The following CNST variants were observed in gnomAD, a reference collection of about 807,000 sequenced individuals.
The protein encoded by CNST is consortin, connexin sorting protein.
CNST carries 39 observed loss-of-function variants against 72.4 expected under a neutral mutation model. The ratio of observed to expected loss-of-function variants is 0.54; its 90% CI spans 0.42 to 0.70. The LOEUF is 0.70. Ranked by LOEUF, CNST falls within the 30% of genes least tolerant of loss-of-function variation. CNST has a pLI of 0.00. For missense variants in CNST, 871 were observed against 868.5 expected (o/e 1.00, Z -0.04); for synonymous variants, 332 against 320.1 (o/e 1.04, Z -0.40).
chr1:246,569,572 TTTTTGTTTTG>T (rs1481123251), intron 1 of CNST, among the ~76,000 whole-genome samples: 1 of 152,104 alleles, frequency 6.6e-6, no homozygotes, highest in Non-Finnish European at 1.5e-5. Context: ...CCTTTTAGTG[TTTTTGTTTTG>T]TTTTGTTTGT....
At chr1:246,637,453 C>T (rs747030369) in intron 6 of CNST, among the ~76,000 whole-genome samples, 3 of 152,182 alleles carry the variant, frequency 2.0e-5, no homozygotes, top group Non-Finnish European at 4.4e-5. Flanking sequence ...AAGTAATTCC[C>T]GAGTGGCTCA....
intron 6 of CNST, among the ~76,000 whole-genome samples, chr1:246,635,447 G>A (rs1238122805): frequency 1.3e-5 from 2 of 151,936 alleles, no homozygotes; most frequent in Non-Finnish European, 2.9e-5. Flanking sequence ...CTCCTAGAAG[G>A]TTTGTTGGGT....
At chr1:246,585,950 C>T (rs1661151873) in intron 1 of CNST, among the ~76,000 whole-genome samples, 2 of 151,464 alleles carry the variant, frequency 1.3e-5, no homozygotes, top group African/African-American at 2.4e-5. Context: ...TGTGATGGCA[C>T]GCACCTGTAG....
chr1:246,627,300 C>T (rs1422134859), intron 3 of CNST, among the ~76,000 whole-genome samples: 1 of 152,220 alleles, frequency 6.6e-6, no homozygotes, highest in East Asian at 1.9e-4. Flanking sequence ...TGATCTTGTC[C>T]TGTTAGCCTC....
At chr1:246,628,470 G>A (rs954988831) in intron 3 of CNST, among the ~76,000 whole-genome samples, 4 of 152,156 alleles carry the variant, frequency 2.6e-5, no homozygotes, top group African/African-American at 9.7e-5. Flanking sequence ...ATGGAAATAC[G>A]ACAACATATA....
intron 3 of CNST, among the ~76,000 whole-genome samples, chr1:246,626,451 C>CTTTTTTTTTTTTTTTTTTTTTTTTTT (rs74163468): frequency 7.5e-5 from 6 of 79,920 alleles, no homozygotes; most frequent in African/African-American, 1.9e-4. Context: ...TAGGTTTGTC[C>CTTTTTTTTTTTTTTTTTTTTTTTTTT]TTTTTTTTTT....
intron 8 of CNST, among the ~76,000 whole-genome samples, chr1:246,646,861 C>A (rs1666113919): frequency 6.6e-6 from 1 of 152,174 alleles, no homozygotes; most frequent in Admixed American, 6.5e-5. Flanking sequence ...TTCAGAATAT[C>A]TTTTAAACCT....
intron 9 of CNST, among the ~76,000 whole-genome samples, chr1:246,652,788 A>T (rs1354556047): frequency 6.6e-6 from 1 of 151,242 alleles, no homozygotes. Context: ...GCGGATCACG[A>T]GGTCAGGAGA....
chr1:246,645,308 AAG>A (rs1665972245), intron 8 of CNST, among the ~76,000 whole-genome samples: 1 of 152,206 alleles, frequency 6.6e-6, no homozygotes, highest in Non-Finnish European at 1.5e-5. Context: ...AAGAAAAAAA[AAG>A]TATCAGTAAA....
intron 2 of CNST, among the ~76,000 whole-genome samples, chr1:246,597,037 C>T (rs1661935752): frequency 6.6e-6 from 1 of 152,118 alleles, no homozygotes; most frequent in Non-Finnish European, 1.5e-5. Context: ...TTTGTAGAGA[C>T]ATGTGTTTTC....
At chr1:246,620,668 C>T (rs1227875406) in intron 2 of CNST, among the ~76,000 whole-genome samples, 27 of 131,740 alleles carry the variant, frequency 2.0e-4, no homozygotes, top group African/African-American at 6.5e-4. Flanking sequence ...TGCATACACA[C>T]GATGGGCTCT....
At chr1:246,571,133 G>C (rs1660043263) in intron 1 of CNST, among the ~76,000 whole-genome samples, 1 of 152,138 alleles carries the variant, frequency 6.6e-6, no homozygotes, top group Admixed American at 6.6e-5. Flanking sequence ...TCTTATAATA[G>C]CTTGAGATTT....
chr1:246,600,892 T>A (rs1662244078), intron 2 of CNST, among the ~76,000 whole-genome samples: 1 of 152,174 alleles, frequency 6.6e-6, no homozygotes, highest in Non-Finnish European at 1.5e-5. Context: ...GTTAAAGATT[T>A]AATTGAGAGA....
At chr1:246,603,765 G>A (rs1301199034) in intron 2 of CNST, among the ~76,000 whole-genome samples, 1 of 152,206 alleles carries the variant, frequency 6.6e-6, no homozygotes, top group African/African-American at 2.4e-5. Context: ...GCTGCCTAGA[G>A]CTAGGGAGGC....
chr1:246,645,466 C>G (rs562377466), intron 8 of CNST, among the ~76,000 whole-genome samples: 1 of 126,678 alleles, frequency 7.9e-6, no homozygotes, highest in Non-Finnish European at 1.6e-5. Flanking sequence ...CTCGCTCTGT[C>G]GCCCAGGCTG....
intron 2 of CNST, among the ~76,000 whole-genome samples, chr1:246,614,617 A>C (rs999246745): frequency 8.6e-5 from 13 of 151,416 alleles, no homozygotes; most frequent in Admixed American, 8.6e-4. Context: ...GATTATAGGC[A>C]TGCGCCGCCA....
chr1:246,663,981 T>A (rs1667252067), intron 10 of CNST, among the ~76,000 whole-genome samples: 1 of 152,196 alleles, frequency 6.6e-6, no homozygotes, highest in Non-Finnish European at 1.5e-5. Flanking sequence ...CATGTATTAC[T>A]GCACAATGTT....
At position 246,640,992 on chromosome 1, in the gene CNST, C is replaced by T. The variant is rs192788274; in HGVS notation, c.819-757C>T. ...ATGCACCTGCCAACTTCGTACCCACCCACAATAGTAACCACTATCTGGACT... is the reference window on the plus strand; with the variant it reads ...ATGCACCTGCCAACTTCGTACCCACTCACAATAGTAACCACTATCTGGACT... On this transcript the variant is annotated intron_variant, in intron 6 of 10. Transcript: ENST00000366513. 3.9e-5 allele frequency among the ~76,000 whole-genome samples: 6 copies of T among 152,268 alleles called. No individual in the cohort carries two copies. In the East Asian group the frequency reaches 7.7e-4, roughly 20 times the overall value.
In CNST at chr1:246,666,790, T is replaced by C. The variant is rs946224217; in HGVS notation, c.*885T>C. ...GCTTACACCTATTATGTTCTGAGATTCTGAGAACCAGAATGCAAACTTAAG... is the reference window on the plus strand; with the variant it reads ...GCTTACACCTATTATGTTCTGAGATCCTGAGAACCAGAATGCAAACTTAAG... On this transcript the variant is annotated 3_prime_UTR_variant, in exon 11 of 11. Transcript: ENST00000366513. 1 of 152,182 alleles carries C rather than the reference T, an allele frequency of 6.6e-6. No individual in the cohort carries two copies. Among genetic ancestry groups the C allele is most frequent in the Non-Finnish European group, 1.5e-5 (1 of 68,040 alleles). The allele number at this position is 152,182 out of a possible 1,614,324, so 9.4% of individuals were successfully genotyped here. A position where few individuals can be genotyped will look rare whatever the true frequency, so the allele number is the denominator to read the frequency against.
Sources: allele counts gnomAD v4.1 joint callset (sites outside exome capture counted in the v4.1 genomes callset), GRCh38; gene constraint gnomAD v4.1.1; transcripts MANE v1.5; gene names NCBI Gene and HGNC (gene_info 2026-07-23, HGNC 2026-07-21).